KLRD1: variants seen among roughly 807,000 people sequenced by gnomAD.
The protein encoded by KLRD1 is killer cell lectin like receptor D1.
In KLRD1, 21 loss-of-function variants were observed where a neutral mutation model predicts 22.6. The observed-to-expected ratio is 0.93, with a 90% CI of 0.66 to 1.34. The LOEUF (loss-of-function observed/expected upper bound fraction) is 1.34. Among genes scored for constraint, KLRD1 ranks in the 40% most tolerant of loss-of-function variants. KLRD1 has a pLI of 0.00. For synonymous variants in KLRD1, 59 were observed against 71.1 expected (o/e 0.83, Z 0.85); for missense variants, 183 against 208.6 (o/e 0.88, Z 0.76).
intron 1 of KLRD1, among the ~76,000 whole-genome samples, chr12:10,245,577 C>T (rs1949283121): frequency 6.6e-6 from 1 of 152,088 alleles, no homozygotes; most frequent in South Asian, 2.1e-4. Context: ...TATAAATAAA[C>T]CTGTACATAC....
intron 1 of KLRD1, among the ~76,000 whole-genome samples, chr12:10,282,530 T>G (rs1949655543): frequency 6.6e-6 from 1 of 152,208 alleles, no homozygotes; most frequent in Non-Finnish European, 1.5e-5. Flanking sequence ...GTGCTGGGAT[T>G]ACAGGTGTGA....
chr12:10,249,478 T>G (rs892422520), intron 1 of KLRD1, among the ~76,000 whole-genome samples: 2 of 152,148 alleles, frequency 1.3e-5, no homozygotes, highest in African/African-American at 4.8e-5. Flanking sequence ...ATTAGGGAAT[T>G]CAACTGGACC....
intron 4 of KLRD1, among the ~76,000 whole-genome samples, chr12:10,312,051 C>CTTTTTTTTTT (rs71049085): frequency 5.7e-5 from 7 of 123,190 alleles, no homozygotes; most frequent in South Asian, 2.6e-4. Flanking sequence ...CTTTTCTTTT[C>CTTTTTTTTTT]TTTTTTTTTT....
At position 10,326,468 on chromosome 12, in the gene KLRD1, A is replaced by C. The variant is rs902734796; in HGVS notation, c.*11675A>C. 46 of 152,370 alleles carry C rather than the reference A, an allele frequency of 3.0e-4. No individual in the cohort carries two copies. The highest frequency in any genetic ancestry group is 3.4e-3 in the Middle Eastern group (1 of 294). The allele number at this position is 152,370 out of a possible 1,614,324, so 9.4% of individuals were successfully genotyped here. A position where few individuals can be genotyped will look rare whatever the true frequency, so the allele number is the denominator to read the frequency against. ...AGGGAGACATGAGACATCAATCAAC[A>C]TATGTAAAATGAACAGTGGTTTGGT... On this transcript the variant is annotated 3_prime_UTR_variant, in exon 6 of 6. Coordinates refer to ENST00000336164, the MANE Select transcript of KLRD1 (RefSeq NM_002262.5).
At position 10,316,866 on chromosome 12, in the gene KLRD1, T is replaced by C. The variant is rs1592100158; in HGVS notation, c.*2073T>C. 6.6e-6 allele frequency: 1 copy of C among 152,316 alleles called. No individual in the cohort carries two copies. The highest frequency in any genetic ancestry group is 1.9e-4 in the East Asian group (1 of 5,190). The allele number at this position is 152,316 out of a possible 1,614,324, so 9.4% of individuals were successfully genotyped here. ...GTTCCAAGGTGGTTTGCTGCACCTA[T>C]TGACCCATCATCTAGGTTTTAAGTC... On this transcript the variant is annotated 3_prime_UTR_variant, in exon 6 of 6. Transcript: ENST00000336164.
chr12:10,298,595 G>T (rs959932268), intron 1 of KLRD1, among the ~76,000 whole-genome samples: 1 of 152,234 alleles, frequency 6.6e-6, no homozygotes, highest in Non-Finnish European at 1.5e-5. Context: ...CTGGAAGGTT[G>T]TTGGTTTACC....
intron 1 of KLRD1, among the ~76,000 whole-genome samples, chr12:10,239,527 CTTTCTTTCTT>C (rs769543933): frequency 1.8e-4 from 7 of 38,478 alleles, no homozygotes; most frequent in East Asian, 8.8e-4. Flanking sequence ...CCCTTTCTTT[CTTTCTTTCTT>C]TCTTTCTTTC....
intron 1 of KLRD1, among the ~76,000 whole-genome samples, chr12:10,274,882 G>A (rs1278002488): frequency 1.3e-5 from 2 of 151,918 alleles, no homozygotes; most frequent in Non-Finnish European, 2.9e-5. Flanking sequence ...TTGAGGTAAT[G>A]GTTGTTTTGT....
chr12:10,239,060 T>G (rs1024465936), intron 1 of KLRD1, among the ~76,000 whole-genome samples: 12 of 152,208 alleles, frequency 7.9e-5, no homozygotes, highest in Non-Finnish European at 1.8e-4. Context: ...GGGGATAACT[T>G]TCACCAAAGA....
intron 1 of KLRD1, among the ~76,000 whole-genome samples, chr12:10,256,540 A>C (rs1190200794): frequency 4.0e-5 from 6 of 151,150 alleles, no homozygotes; most frequent in Non-Finnish European, 8.9e-5. Context: ...AATTTTTAAC[A>C]ACCTATTTTT....
At chr12:10,244,182 A>G (rs369704299) in intron 1 of KLRD1, among the ~76,000 whole-genome samples, 8 of 152,278 alleles carry the variant, frequency 5.3e-5, no homozygotes, top group East Asian at 3.9e-4. Context: ...AGAAAAAAAT[A>G]TCTACGTCAT....
At chr12:10,309,294 A>G (rs1949997449) in intron 1 of KLRD1, 94 bp from the exon 2 acceptor site, 2 of 699,342 alleles carry the variant, frequency 2.9e-6, no homozygotes, top group Non-Finnish European at 5.2e-6. Flanking sequence ...AAATGAAAGA[A>G]TGTTGTGGAT....
upstream of KLRD1, among the ~76,000 whole-genome samples, chr12:10,306,211 C>G (rs1949924910): frequency 6.6e-6 from 1 of 151,706 alleles, no homozygotes; most frequent in Non-Finnish European, 1.5e-5. Context: ...TCAGAGTTGG[C>G]AGCTCAGAAA....
intron 1 of KLRD1, among the ~76,000 whole-genome samples, chr12:10,281,906 G>A (rs1289541229): frequency 2.0e-5 from 3 of 152,018 alleles, no homozygotes; most frequent in Non-Finnish European, 4.4e-5. Context: ...AAACTTACAC[G>A]GCAGTATTTG....
In KLRD1 at chr12:10,239,957, C is replaced by T. The variant is rs149441538; in HGVS notation, c.-101+13724C>T. Among the ~76,000 whole-genome samples, 350 of 152,078 alleles carry T rather than the reference C, an allele frequency of 2.3e-3. 2 individuals carry two copies. Among genetic ancestry groups the T allele is most frequent in the Non-Finnish European group, 2.3e-3 (156 of 68,004 alleles). On this transcript the variant is annotated intron_variant, in intron 1 of 5. Transcript: ENST00000544747. ...TTTTCTCTTTCTTAAAACATTTTGC[C>T]CAATGCTAAATTTTACTGCTTGGTT... is the stretch of plus-strand genomic sequence containing the variant.
At chr12:10,270,158 C>T (rs936702067) in intron 1 of KLRD1, among the ~76,000 whole-genome samples, 15 of 152,286 alleles carry the variant, frequency 9.8e-5, no homozygotes, top group African/African-American at 3.1e-4. Context: ...CAGCTATCCA[C>T]TAACATCTTT....
intron 1 of KLRD1, among the ~76,000 whole-genome samples, chr12:10,260,847 CAGG>C (rs1356716611): frequency 5.3e-5 from 8 of 151,888 alleles, no homozygotes; most frequent in Non-Finnish European, 1.0e-4. Flanking sequence ...GAGGCTGAGG[CAGG>C]AGAATGGCAT....
intron 1 of KLRD1, among the ~76,000 whole-genome samples, chr12:10,254,813 A>AGAATATTT (rs1555101288): frequency 6.6e-6 from 1 of 150,924 alleles, no homozygotes; most frequent in Non-Finnish European, 1.5e-5. Flanking sequence ...GAATCACTTG[A>AGAATATTT]ACCCAGGAGG....
chr12:10,263,295 C>T (rs1949470714), intron 1 of KLRD1, among the ~76,000 whole-genome samples: 1 of 151,970 alleles, frequency 6.6e-6, no homozygotes, highest in Admixed American at 6.5e-5. Context: ...TGCTAAAATT[C>T]TAATTCATTA....
Sources: gnomAD v4.1 joint callset for allele counts (sites outside exome capture counted in the v4.1 genomes callset) on GRCh38, gnomAD v4.1.1 for gene constraint, MANE v1.5 for transcripts, NCBI Gene and HGNC (gene_info 2026-07-23, HGNC 2026-07-21) for gene names.